Variants in SLC46A1 observed in about 807,000 individuals in gnomAD.
SLC46A1 encodes proton-coupled folate transporter.
Under a neutral mutation model 32.1 loss-of-function variants are expected in SLC46A1, and 17 were observed. The ratio of observed to expected loss-of-function variants is 0.53; its 90% confidence interval spans 0.36 to 0.79. The LOEUF (loss-of-function observed/expected upper bound fraction) is 0.79. Among genes scored for constraint, SLC46A1 ranks in the 30% least tolerant of loss-of-function variants. The pLI is 0.00. For synonymous variants in SLC46A1, 240 were observed against 262.7 expected (o/e 0.91, Z 0.84); for missense variants, 517 against 588.2 (o/e 0.88, Z 1.25).
In SLC46A1 at chr17:28,405,023, TAG is replaced by T. The variant is rs1263347824; in HGVS notation, c.672_673del (p.Tyr225CysfsTer7). ...GGTCTCACCAAAGCAGAAAGCTGCA[TAG>T]AGAGTCATGGCTATCAGCAAGGCCA... On this transcript the variant is annotated frameshift_variant, in exon 2 of 5. Coordinates refer to ENST00000612814, the MANE Select transcript of SLC46A1 (RefSeq NM_080669.6). LOFTEE classifies it high-confidence loss of function. 1 of 1,613,908 alleles carries T rather than the reference TAG, an allele frequency of 6.2e-7. No individual in the cohort carries two copies. The highest frequency in any genetic ancestry group is 8.5e-7 in the Non-Finnish European group (1 of 1,179,872).
Position 28,405,790 on chromosome 17 carries a change from T to G in SLC46A1, c.228+97A>C, listed in dbSNP as rs1164845739. On this transcript the variant is annotated intron_variant, in intron 1 of 4. Coordinates refer to ENST00000612814, the MANE Select transcript of SLC46A1 (RefSeq NM_080669.6). Reference sequence around the variant, plus strand: ...CATCCAAAATGCACCCTCCCTCCAGTTACCCGCCACTACCATTACGCAGGC... The same window carrying G: ...CATCCAAAATGCACCCTCCCTCCAGGTACCCGCCACTACCATTACGCAGGC... The G allele has an allele frequency of 3.0e-6, 4 of 1,320,996 alleles. No individual in the cohort carries two copies. The African/African-American group carries it at 5.9e-5, about 19-fold the overall frequency. The allele number at this position is 1,320,996 out of a possible 1,614,324, so 81.8% of individuals were successfully genotyped here. A position where few individuals can be genotyped will look rare whatever the true frequency, so the allele number is the denominator to read the frequency against.
chr17:28,401,067 G>A, intron 3 of SLC46A1: 1 of 394,640 alleles, frequency 2.5e-6, no homozygotes, highest in Non-Finnish European at 4.8e-6. Flanking sequence ...ATTGTCTGAT[G>A]AAAGCTTGAT....
At chr17:28,401,455 C>T (rs1284285850) in intron 3 of SLC46A1, 1 of 153,672 alleles carries the variant, frequency 6.5e-6, no homozygotes, top group Admixed American at 6.4e-5. Context: ...TGTATGGCAC[C>T]AGAGTCTCTG....
chr17:28,404,346 A>C (rs956322130), intron 2 of SLC46A1: 2 of 507,842 alleles, frequency 3.9e-6, no homozygotes, highest in African/African-American at 3.8e-5. Flanking sequence ...TATGAGCCAC[A>C]CTTTTGTCTT....
At chr17:28,405,694 C>T in intron 1 of SLC46A1, 193 bp downstream of exon 1, 1 of 952,008 alleles carries the variant, frequency 1.1e-6, no homozygotes, top group Non-Finnish European at 1.5e-6. Flanking sequence ...CAAGGCCAGA[C>T]TTTAGCTCAG....
Position 28,395,984 on chromosome 17 carries a change from T to C in SLC46A1, c.*3672A>G, listed in dbSNP as rs781898499. 6.2e-7 allele frequency: 1 copy of C among 1,614,020 alleles called. No homozygotes were observed. The highest frequency in any genetic ancestry group is 1.1e-5 in the South Asian group (1 of 91,080). The stretch of plus-strand genomic sequence containing the variant: ...TTCGAGTGGCCTGAGCCCCAGGTCC[T>C]GCCTGAGGACATGCAGGCTGTGCTT... On this transcript the variant is annotated 3_prime_UTR_variant, in exon 5 of 5. Transcript: ENST00000612814.
intron 2 of SLC46A1, 73 bp from the exon 3 acceptor site, chr17:28,402,394 T>G: frequency 3.0e-6 from 4 of 1,312,454 alleles, no homozygotes; most frequent in Non-Finnish European, 4.3e-6. Flanking sequence ...GCAGCAGAGC[T>G]CCTATCCATA....
Position 28,399,536 on chromosome 17 carries a change from G to C in SLC46A1, c.*120C>G. The C allele has an allele frequency of 1.0e-6, 1 of 994,122 alleles. No homozygotes were observed. The highest frequency in any genetic ancestry group is 1.5e-6 in the Non-Finnish European group (1 of 645,610). 61.6% of individuals were successfully genotyped at this position (994,122 alleles called of 1,614,324 possible). ...CTCTCTTGACTACCTCGTCCAAAGA[G>C]AGCACTGCCCTTAGACAAGAGTTGC... On this transcript the variant is annotated 3_prime_UTR_variant, in exon 5 of 5. Transcript: ENST00000612814.
In SLC46A1 at chr17:28,396,071, C is replaced by T; in HGVS notation, c.*3585G>A. 3 of 1,613,510 alleles carry T rather than the reference C, an allele frequency of 1.9e-6. No homozygotes were observed. Among genetic ancestry groups the T allele is most frequent in the Non-Finnish European group, 1.7e-6 (2 of 1,179,626 alleles). On this transcript the variant is annotated 3_prime_UTR_variant, in exon 5 of 5. Coordinates refer to ENST00000612814, the MANE Select transcript of SLC46A1 (RefSeq NM_080669.6). ...GACCAGGGGGGTAGGGTACAAATCA[C>T]CATGACAGGCAGAGTGTGGGCAAAC...
At chr17:28,405,647 C>G (rs1745949601) in intron 1 of SLC46A1, 179 bp from the exon 2 acceptor site, 2 of 1,026,136 alleles carry the variant, frequency 1.9e-6, no homozygotes, top group East Asian at 2.6e-5. Context: ...GACCAAGGCC[C>G]CATTCCCTTT....
At chr17:28,403,814 C>G (rs572018239) in intron 2 of SLC46A1, 2 of 152,232 alleles carry the variant, frequency 1.3e-5, no homozygotes, top group South Asian at 2.1e-4. Context: ...GAGTTAGAGA[C>G]CTGGACTGGG....
intron 4 of SLC46A1, chr17:28,400,172 G>A (rs2068178510): frequency 4.1e-6 from 1 of 245,752 alleles, no homozygotes; most frequent in African/African-American, 2.3e-5. Flanking sequence ...CGGGATTACA[G>A]GCAAGAGCCT....
At chr17:28,401,892 T>C (rs1461468225) in intron 3 of SLC46A1, 2 of 184,882 alleles carry the variant, frequency 1.1e-5, no homozygotes, top group African/African-American at 4.7e-5. Context: ...TCTGGGCTTG[T>C]ACACGCTGAC....
intron 2 of SLC46A1, chr17:28,404,352 G>A (rs1477196607): frequency 1.3e-5 from 7 of 520,696 alleles, no homozygotes; most frequent in African/African-American, 9.6e-5. Flanking sequence ...CCACACTTTT[G>A]TCTTTTGCTC....
chr17:28,403,978 A>T (rs976354572), intron 2 of SLC46A1: 12 of 154,556 alleles, frequency 7.8e-5, no homozygotes, highest in African/African-American at 2.4e-4. Flanking sequence ...GTGCCACTGC[A>T]CTCTAGCCTG....
chr17:28,403,670 T>C (rs782461862), intron 2 of SLC46A1: 1 of 152,022 alleles, frequency 6.6e-6, no homozygotes, highest in Non-Finnish European at 1.5e-5. Context: ...TTGTTGACTA[T>C]ACACAGCACA....
Position 28,400,970 on chromosome 17 carries a change from A to T in SLC46A1, c.1166-204T>A. Reference sequence around the variant, plus strand: ...AGTAGCTGGCACAGAGGGGCTACTAAACAAATGGCTGCTATTAAATCCACA... The same window carrying T: ...AGTAGCTGGCACAGAGGGGCTACTATACAAATGGCTGCTATTAAATCCACA... On this transcript the variant is annotated intron_variant, in intron 3 of 4. Transcript: ENST00000612814. 5 of 596,978 alleles carry T rather than the reference A, an allele frequency of 8.4e-6. No individual in the cohort carries two copies. The South Asian group carries it at 9.7e-5, about 12-fold the overall frequency. The allele number at this position is 596,978 out of a possible 1,614,324, so 37.0% of individuals were successfully genotyped here.
chr17:28,401,013 C>A, intron 3 of SLC46A1: 1 of 503,496 alleles, frequency 2.0e-6, no homozygotes, highest in Non-Finnish European at 3.5e-6. Flanking sequence ...TACATGTGAT[C>A]TGACAGAACC....
At chr17:28,403,296 A>G (rs1187668456) in intron 2 of SLC46A1, 1 of 152,242 alleles carries the variant, frequency 6.6e-6, no homozygotes, top group African/African-American at 2.4e-5. Context: ...GGTAACATCT[A>G]TGAAGAGCAT....
Sources: allele counts gnomAD v4.1 joint callset, GRCh38; gene constraint gnomAD v4.1.1; transcripts MANE v1.5; gene names NCBI Gene and HGNC (gene_info 2026-07-23, HGNC 2026-07-21).